DIS3L2: variants seen among roughly 807,000 people sequenced by gnomAD.
The protein encoded by DIS3L2 is DIS3-like exonuclease 2.
Under a neutral mutation model 97.5 loss-of-function variants are expected in DIS3L2, and 34 were observed. The observed-to-expected ratio is 0.35, with a 90% CI of 0.27 to 0.46. The LOEUF (loss-of-function observed/expected upper bound fraction) is 0.46. DIS3L2 is among the 20% of genes least tolerant of loss of function. DIS3L2 has a pLI of 1.00. For missense variants in DIS3L2, 1,038 were observed against 1,146.0 expected (o/e 0.91, Z 1.36); for synonymous variants, 435 against 445.2 (o/e 0.98, Z 0.29).
chr2:232,333,764 TG>T, intron 16 of DIS3L2, 75 bp from the exon 17 acceptor site: 23 of 1,444,488 alleles, frequency 1.6e-5, no homozygotes, highest in Admixed American at 1.4e-4. Flanking sequence ...ACGGTGAGGC[TG>T]TGGGTGGTGC....
intron 6 of DIS3L2, among the ~76,000 whole-genome samples, chr2:232,093,268 A>T (rs1385852956): frequency 6.6e-6 from 1 of 151,950 alleles, no homozygotes; most frequent in African/African-American, 2.4e-5. Context: ...GATCCTTTTA[A>T]TGTGTTGTTG....
At chr2:232,258,536 A>T (rs1693628940) in intron 12 of DIS3L2, among the ~76,000 whole-genome samples, 1 of 147,108 alleles carries the variant, frequency 6.8e-6, no homozygotes. Flanking sequence ...GTGAGCCCAG[A>T]TCGTGCCACT....
At position 232,275,878 on chromosome 2, in the gene DIS3L2, G is replaced by A. The variant is rs1037635476; in HGVS notation, c.1659+12438G>A. On this transcript the variant is annotated intron_variant, in intron 13 of 20. Coordinates refer to ENST00000325385, the MANE Select transcript of DIS3L2 (RefSeq NM_152383.5). ...CAGGAAGAGCCTGGACAGCAGGTGT[G>A]CACGTGGCTGCTTTCGTGTTCTACA... Among the ~76,000 whole-genome samples, 7 of 152,192 alleles carry A rather than the reference G, an allele frequency of 4.6e-5. No individual in the cohort carries two copies. In the East Asian group the frequency reaches 7.7e-4, roughly 17 times the overall value.
intron 6 of DIS3L2, among the ~76,000 whole-genome samples, chr2:232,089,506 C>T (rs1476793169): frequency 6.6e-6 from 1 of 152,154 alleles, no homozygotes; most frequent in South Asian, 2.1e-4. Flanking sequence ...CACATCAGTA[C>T]TATGAGTCAT....
intron 13 of DIS3L2, among the ~76,000 whole-genome samples, chr2:232,283,897 AC>A (rs1473392420): frequency 6.6e-6 from 1 of 152,152 alleles, no homozygotes; most frequent in Non-Finnish European, 1.5e-5. Context: ...ATGGCATAAA[AC>A]TAGACACACC....
intron 17 of DIS3L2, among the ~76,000 whole-genome samples, 159 bp downstream of exon 17, chr2:232,334,146 T>C (rs1434329198): frequency 1.3e-5 from 2 of 152,148 alleles, no homozygotes; most frequent in African/African-American, 2.4e-5. Flanking sequence ...AAACTCTCCC[T>C]ACGGGCCGGT....
Position 232,238,557 on chromosome 2 carries a change from T to A in DIS3L2, c.1229T>A (p.Ile410Asn), listed in dbSNP as rs1384789643. ...GGCAACTTCAAAGTGGGAGTTCACA[T>A]TGCTGACGTGAGTTACTTTGTTCCG... ...ADGNFKVGVH[I>N]ADVSYFVPEG... Residue 410 changes from isoleucine to asparagine, a missense_variant, in exon 11 of 21, where the codon ATT (isoleucine) becomes AAT (asparagine). Coordinates refer to ENST00000325385, the MANE Select transcript of DIS3L2 (RefSeq NM_152383.5). 6.2e-7 allele frequency: 1 copy of A among 1,614,198 alleles called. No individual in the cohort carries two copies.
intron 9 of DIS3L2, among the ~76,000 whole-genome samples, chr2:232,199,790 A>C (rs1691843690): frequency 6.6e-6 from 1 of 152,150 alleles, no homozygotes; most frequent in Non-Finnish European, 1.5e-5. Context: ...AGCTGGGGGA[A>C]TGATAGAGAT....
chr2:232,250,116 G>A (rs183393866), intron 12 of DIS3L2, among the ~76,000 whole-genome samples: 44 of 152,244 alleles, frequency 2.9e-4, no homozygotes, highest in Non-Finnish European at 5.0e-4. Flanking sequence ...AAGTAGGGTC[G>A]TGATTAAGTA....
In DIS3L2 at chr2:232,281,421, ATGTT is replaced by A. The variant is rs947573407; in HGVS notation, c.1659+17983_1659+17986del. On this transcript the variant is annotated intron_variant, in intron 13 of 20. Transcript: ENST00000325385. This position sits in a 1 kb window ranked among gnomAD's most constrained non-coding sequence, Gnocchi z 4.1. ...CTCAAAAAGAAAAAAAGAAATATGA[ATGTT>A]TTCTTGAATTCAACTTGGTGCTGTT... is the stretch of plus-strand genomic sequence containing the variant. Among the ~76,000 whole-genome samples, 1 of 152,132 alleles carries A rather than the reference ATGTT, an allele frequency of 6.6e-6. No individual in the cohort carries two copies. The highest frequency in any genetic ancestry group is 2.4e-5 in the African/African-American group (1 of 41,416).
chr2:231,981,596 TTTTATATA>T (rs1194506474), intron 1 of DIS3L2, among the ~76,000 whole-genome samples: 2 of 48,004 alleles, frequency 4.2e-5, no homozygotes, highest in Admixed American at 6.3e-4. Context: ...CTGTTAAGTA[TTTTATATA>T]TATATATATA....
At chr2:232,236,950 A>G (rs546588734) in intron 10 of DIS3L2, among the ~76,000 whole-genome samples, 12 of 152,180 alleles carry the variant, frequency 7.9e-5, no homozygotes, top group African/African-American at 2.9e-4. Context: ...GGGTTTTGCC[A>G]TGTTGGCCAG....
chr2:232,050,944 C>T (rs569990062), intron 5 of DIS3L2, among the ~76,000 whole-genome samples: 2 of 152,240 alleles, frequency 1.3e-5, no homozygotes, highest in Non-Finnish European at 1.5e-5. Flanking sequence ...ACTTAAATTT[C>T]TTGTAAGAGT....
At chr2:232,009,876 G>A (rs1694148693) in intron 1 of DIS3L2, among the ~76,000 whole-genome samples, 1 of 152,188 alleles carries the variant, frequency 6.6e-6, no homozygotes. Flanking sequence ...ACTCAAGTTA[G>A]CTGTAATATT....
chr2:231,971,699 GC>G (rs1036975178), intron 1 of DIS3L2, among the ~76,000 whole-genome samples: 2 of 151,922 alleles, frequency 1.3e-5, no homozygotes, highest in Admixed American at 6.5e-5. Context: ...GCCTGCCTTG[GC>G]CTCCCAAAGT....
At chr2:232,109,828 A>G (rs1029041763) in intron 6 of DIS3L2, among the ~76,000 whole-genome samples, 13 of 152,246 alleles carry the variant, frequency 8.5e-5, no homozygotes, top group African/African-American at 2.9e-4. Flanking sequence ...TGAAGACACC[A>G]AAAGCAATTG....
chr2:231,976,717 G>C (rs1028822386), intron 1 of DIS3L2, among the ~76,000 whole-genome samples: 1 of 148,366 alleles, frequency 6.7e-6, no homozygotes, highest in African/African-American at 2.5e-5. Context: ...AATGTGTTCA[G>C]AACACTTATG....
At chr2:232,173,042 A>G (rs1179941494) in intron 9 of DIS3L2, among the ~76,000 whole-genome samples, 1 of 152,126 alleles carries the variant, frequency 6.6e-6, no homozygotes, top group African/African-American at 2.4e-5. Flanking sequence ...CATTTATCAG[A>G]TATATGATTT....
At chr2:232,249,393 C>G in intron 12 of DIS3L2, 47 bp downstream of exon 12, 2 of 1,575,580 alleles carry the variant, frequency 1.3e-6, no homozygotes, top group African/African-American at 2.7e-5. Context: ...TTTTCTGTTC[C>G]ATGAGTCATG....
Sources: allele counts gnomAD v4.1 joint callset (sites outside exome capture counted in the v4.1 genomes callset), GRCh38; gene constraint gnomAD v4.1.1; non-coding constraint Gnocchi (gnomAD v3.1); transcripts MANE v1.5; gene names NCBI Gene and HGNC (gene_info 2026-07-23, HGNC 2026-07-21).